RNF216: variants seen among roughly 807,000 people sequenced by gnomAD.
RNF216 encodes the protein E3 ubiquitin-protein ligase RNF216.
RNF216 carries 72 observed loss-of-function variants against 110.8 expected under a neutral mutation model. The observed-to-expected ratio is 0.65, with a 90% confidence interval of 0.54 to 0.79. The LOEUF (loss-of-function observed/expected upper bound fraction) is 0.79. RNF216 is among the 30% of genes least tolerant of loss of function. The probability of loss-of-function intolerance (pLI) is 0.00; values close to 1 mark genes in which losing one functional copy is unlikely to be tolerated. For missense variants in RNF216, 1,342 were observed against 1,141.2 expected (o/e 1.18, Z -2.54); for synonymous variants, 495 against 407.5 (o/e 1.21, Z -2.59).
Position 5,622,834 on chromosome 7 carries a change from T to G in RNF216, c.*26A>C. The G allele has an allele frequency of 1.3e-6, 2 of 1,571,222 alleles. No homozygotes were observed. Among genetic ancestry groups the G allele is most frequent in the Non-Finnish European group, 1.7e-6 (2 of 1,155,404 alleles). On this transcript the variant is annotated 3_prime_UTR_variant, in exon 17 of 17. Transcript: ENST00000389902. The stretch of plus-strand genomic sequence containing the variant: ...ACACTCCTACCCCAAACGGGCTTTG[T>G]GCTGCTCAATGGGGATTCGGGGCCA...
Position 5,761,014 on chromosome 7 carries a change from T to C in RNF216, c.56A>G (p.His19Arg), listed in dbSNP as rs770619949. Residue 19 changes from histidine (H) to arginine (R), a missense_variant, in exon 2 of 17, where the codon CAT (histidine) becomes CGT (arginine). His to Arg is a conservative substitution (Grantham distance 29). Transcript: ENST00000389902. Reference sequence around the variant, plus strand: ...AACAAACAACTTACCTTGTCCCCGATGGCAGTGAAAGTTGTTCAAGTGAAT... The same window carrying C: ...AACAAACAACTTACCTTGTCCCCGACGGCAGTGAAAGTTGTTCAAGTGAAT... ...EVIHLNNFHCHRGQEWINLRD... is the reference protein window; with the variant it reads ...EVIHLNNFHCRRGQEWINLRD... 7.6e-6 allele frequency: 12 copies of C among 1,574,526 alleles called. No homozygotes were observed. Among genetic ancestry groups the C allele is most frequent in the South Asian group, 1.2e-5 (1 of 83,968 alleles).
At chr7:5,663,397 G>A (rs969593571) in intron 13 of RNF216, among the ~76,000 whole-genome samples, 5 of 151,508 alleles carry the variant, frequency 3.3e-5, no homozygotes, top group South Asian at 2.1e-4. Flanking sequence ...TGGCTAACAC[G>A]GTGAAACCCC....
At chr7:5,666,392 A>AG (rs1789527119) in intron 13 of RNF216, among the ~76,000 whole-genome samples, 1 of 152,124 alleles carries the variant, frequency 6.6e-6, no homozygotes, top group Non-Finnish European at 1.5e-5. Flanking sequence ...AGGTGCATGT[A>AG]AGTGAAGACT....
intron 15 of RNF216, among the ~76,000 whole-genome samples, chr7:5,637,822 T>C (rs111755769): frequency 0.015 from 2,292 of 152,356 alleles, 57 homozygotes; most frequent in African/African-American, 0.052. Context: ...ATTACAGGCA[T>C]GAGCCACTGC....
At chr7:5,766,259 C>T (rs1378360134) in intron 1 of RNF216, among the ~76,000 whole-genome samples, 1 of 152,154 alleles carries the variant, frequency 6.6e-6, no homozygotes, top group Non-Finnish European at 1.5e-5. Flanking sequence ...CACTGCACTC[C>T]AGCCTGGGTG....
chr7:5,769,829 G>A (rs892798212), intron 1 of RNF216, among the ~76,000 whole-genome samples: 3 of 149,316 alleles, frequency 2.0e-5, no homozygotes, highest in Admixed American at 1.3e-4. Flanking sequence ...TTGAGGTCAG[G>A]AGTTTGAGAC....
intron 14 of RNF216, among the ~76,000 whole-genome samples, chr7:5,643,746 A>G (rs927392676): frequency 2.0e-5 from 3 of 152,190 alleles, no homozygotes; most frequent in African/African-American, 7.2e-5. Context: ...TTGAGTATTC[A>G]CGATGTTATA....
At chr7:5,692,642 C>G (rs973969304) in intron 13 of RNF216, among the ~76,000 whole-genome samples, 4 of 152,214 alleles carry the variant, frequency 2.6e-5, no homozygotes, top group Non-Finnish European at 4.4e-5. Context: ...CACAAAACGC[C>G]ATCCCTCGCC....
At chr7:5,697,454 G>C (rs1432157067) in intron 13 of RNF216, among the ~76,000 whole-genome samples, 1 of 152,226 alleles carries the variant, frequency 6.6e-6, no homozygotes, top group Non-Finnish European at 1.5e-5. Context: ...GGTAATGATC[G>C]TGTTTAGAGG....
At chr7:5,664,653 A>AC (rs1029735009) in intron 13 of RNF216, among the ~76,000 whole-genome samples, 1 of 151,810 alleles carries the variant, frequency 6.6e-6, no homozygotes, top group South Asian at 2.1e-4. Context: ...TCTCCCCAAC[A>AC]CCCCCAGGGG....
At chr7:5,639,529 T>C (rs949170611) in intron 15 of RNF216, among the ~76,000 whole-genome samples, 1 of 152,010 alleles carries the variant, frequency 6.6e-6, no homozygotes, top group African/African-American at 2.4e-5. Context: ...AGTGGCACGA[T>C]CTCAGCTCAC....
At chr7:5,682,571 C>T (rs980404653) in intron 13 of RNF216, among the ~76,000 whole-genome samples, 11 of 152,022 alleles carry the variant, frequency 7.2e-5, no homozygotes, top group Non-Finnish European at 1.5e-4. Context: ...CCATGCCGGG[C>T]TATTTTTGTA....
At position 5,741,227 on chromosome 7, in the gene RNF216, A is replaced by T; in HGVS notation, c.790T>A (p.Leu264Met). ...RQPEAELGRL[L>M]FQHEFPGPAF... ...GGCCCTGGGAATTCATGCTGAAACA[A>T]CAAGCGGCCCAGTTCTGCTTCAGGC... Residue 264 changes from leucine to methionine, a missense_variant, in exon 4 of 17, where the codon TTG (leucine) becomes ATG (methionine). Physicochemically the swap from Leu to Met is conservative, Grantham distance 15. Transcript: ENST00000389902. 1 of 1,614,138 alleles carries T rather than the reference A, an allele frequency of 6.2e-7. No homozygotes were observed. Among genetic ancestry groups the T allele is most frequent in the Non-Finnish European group, 8.5e-7 (1 of 1,180,024 alleles).
At chr7:5,747,746 C>A (rs796718310) in intron 3 of RNF216, among the ~76,000 whole-genome samples, 100 of 7,014 alleles carry the variant, frequency 0.014, no homozygotes, top group African/African-American at 0.052. Flanking sequence ...GACTCCATCT[C>A]AAAAAAAAAA....
chr7:5,629,603 C>T (rs559212682), intron 15 of RNF216, among the ~76,000 whole-genome samples: 13 of 151,758 alleles, frequency 8.6e-5, no homozygotes, highest in East Asian at 7.8e-4. Flanking sequence ...CCGAGGCGGG[C>T]GGATCACGAC....
chr7:5,649,213 A>T (rs1788232935), intron 14 of RNF216, among the ~76,000 whole-genome samples: 1 of 152,004 alleles, frequency 6.6e-6, no homozygotes, highest in Non-Finnish European at 1.5e-5. Context: ...CCGACAAAGT[A>T]AAACCCCATC....
intron 15 of RNF216, among the ~76,000 whole-genome samples, chr7:5,633,574 C>T (rs1787209539): frequency 1.3e-5 from 2 of 151,982 alleles, no homozygotes; most frequent in Admixed American, 6.6e-5. Context: ...GACTCCCTCT[C>T]AAACAAAACA....
chr7:5,770,423 T>G (rs1434441573), intron 1 of RNF216, among the ~76,000 whole-genome samples: 1 of 149,610 alleles, frequency 6.7e-6, no homozygotes, highest in Non-Finnish European at 1.5e-5. Context: ...ATCATGCCAA[T>G]GCACTCCAGC....
intron 2 of RNF216, among the ~76,000 whole-genome samples, chr7:5,755,735 T>G (rs1795601467): frequency 6.6e-6 from 1 of 152,242 alleles, no homozygotes; most frequent in Admixed American, 6.5e-5. Flanking sequence ...TTTAGGCTAC[T>G]GTGGATAGTG....
Sources: allele counts gnomAD v4.1 joint callset (sites outside exome capture counted in the v4.1 genomes callset), GRCh38; gene constraint gnomAD v4.1.1; transcripts MANE v1.5; gene names NCBI Gene and HGNC (gene_info 2026-07-23, HGNC 2026-07-21).